TSGA13: variants seen among roughly 807,000 people sequenced by gnomAD.
TSGA13 encodes testis-specific gene 13 protein.
A neutral mutation model predicts 35.1 loss-of-function variants in TSGA13; 37 were observed. The observed-to-expected ratio is 1.05, with a 90% CI of 0.81 to 1.39. The LOEUF is 1.39. TSGA13 is among the 40% of genes most tolerant of loss of function. The probability of loss-of-function intolerance (pLI) is 0.00; values close to 1 mark genes in which losing one functional copy is unlikely to be tolerated. For missense variants in TSGA13, 338 were observed against 328.5 expected (o/e 1.03, Z -0.22); for synonymous variants, 124 against 121.2 (o/e 1.02, Z -0.15).
In TSGA13 at chr7:130,679,284, T is replaced by C; in HGVS notation, c.258A>G (p.Lys86=). 1.9e-6 allele frequency: 3 copies of C among 1,614,202 alleles called. No individual in the cohort carries two copies. Among genetic ancestry groups the C allele is most frequent in the Non-Finnish European group, 2.5e-6 (3 of 1,180,038 alleles). The part of the protein sequence containing the change: ...QNRKNTSFML[K]VTQYDQDKTL... ...TCTTATCCTGGTCATACTGTGTTAC[T>C]TTTAACATGAAGCTGGTGTTTTTCC... The change falls in exon 5 of 8, where the codon AAA becomes AAG. Residue 86 remains lysine (K), a synonymous_variant. Coordinates refer to ENST00000356588, the MANE Select transcript of TSGA13 (RefSeq NM_052933.4).
chr7:130,682,822 T>C (rs1796579040), intron 3 of TSGA13, among the ~76,000 whole-genome samples: 1 of 152,096 alleles, frequency 6.6e-6, no homozygotes, highest in Non-Finnish European at 1.5e-5. Flanking sequence ...CAAATTCCTT[T>C]AGAGAGGGTG....
chr7:130,679,116 C>T (rs1796477469), intron 5 of TSGA13, 39 bp downstream of exon 5: 2 of 1,506,918 alleles, frequency 1.3e-6, no homozygotes, highest in African/African-American at 2.8e-5. Context: ...CCTAATTCGT[C>T]AGGGTTCACA....
At chr7:130,680,616 G>T (rs1554464938) in intron 4 of TSGA13, among the ~76,000 whole-genome samples, 1 of 152,002 alleles carries the variant, frequency 6.6e-6, no homozygotes, top group African/African-American at 2.4e-5. Flanking sequence ...ATAGGAGAAA[G>T]GCAGAGGGTT....
Position 130,668,825 on chromosome 7 carries a change from T to TCGGCCCCCGGGACGCAGCCA in TSGA13, c.*169_*188dup. The TCGGCCCCCGGGACGCAGCCA allele has an allele frequency of 1.6e-6, 2 of 1,282,052 alleles. No homozygotes were observed. Among genetic ancestry groups the TCGGCCCCCGGGACGCAGCCA allele is most frequent in the Non-Finnish European group, 2.1e-6 (2 of 955,122 alleles). 79.4% of individuals were successfully genotyped at this position (1,282,052 alleles called of 1,614,324 possible). On this transcript the variant is annotated 3_prime_UTR_variant, in exon 8 of 8. Coordinates refer to ENST00000356588, the MANE Select transcript of TSGA13 (RefSeq NM_052933.4). Reference sequence around the variant, plus strand: ...CAAGGCCCGCCCTCCCCGGCCGCCCTCGGCCCCCGGGACGCAGCCACGCCC... The same window carrying TCGGCCCCCGGGACGCAGCCA: ...CAAGGCCCGCCCTCCCCGGCCGCCCTCGGCCCCCGGGACGCAGCCACGGCCCCCGGGACGCAGCCACGCCC...
chr7:130,671,965 A>G (rs1038547786), intron 6 of TSGA13, among the ~76,000 whole-genome samples, 177 bp from the exon 7 acceptor site: 9 of 151,918 alleles, frequency 5.9e-5, no homozygotes, highest in Non-Finnish European at 1.0e-4. Flanking sequence ...ATCTTGGTTC[A>G]CTGCAACCTC....
intron 5 of TSGA13, among the ~76,000 whole-genome samples, chr7:130,678,743 C>T (rs1459028797): frequency 6.6e-6 from 1 of 152,122 alleles, no homozygotes; most frequent in East Asian, 1.9e-4. Flanking sequence ...AGAGATAGAC[C>T]AAGTGCAGTG....
chr7:130,671,654 A>G lies in TSGA13; in HGVS notation c.658+7T>C. ...GTAAGCCTTTGCTTTGAAAGAGAGG[A>G]GCTTACCATCTTTCCTCATATCTCT... On this transcript the variant is annotated splice_region_variant and intron_variant, in intron 7 of 7. Transcript: ENST00000356588. 8.3e-6 allele frequency: 13 copies of G among 1,562,470 alleles called. No individual in the cohort carries two copies. The highest frequency in any genetic ancestry group is 1.1e-5 in the Non-Finnish European group (13 of 1,148,922).
chr7:130,675,211 C>T (rs1554463962), intron 5 of TSGA13, among the ~76,000 whole-genome samples: 1 of 151,754 alleles, frequency 6.6e-6, no homozygotes. Context: ...CACCTTTACT[C>T]CATAAATATG....
Position 130,668,857 on chromosome 7 carries a change from C to A in TSGA13, c.*157G>T. ...CCGGGACGCAGCCACGCCCCCTTCT[C>A]CTCTTGCGGCCCGCCGGAGACTTCG... On this transcript the variant is annotated 3_prime_UTR_variant, in exon 8 of 8. Coordinates refer to ENST00000356588, the MANE Select transcript of TSGA13 (RefSeq NM_052933.4). 1 of 1,348,384 alleles carries A rather than the reference C, an allele frequency of 7.4e-7. No individual in the cohort carries two copies. Among genetic ancestry groups the A allele is most frequent in the Admixed American group, 2.5e-5 (1 of 40,776 alleles). The allele number at this position is 1,348,384 out of a possible 1,614,324, so 83.5% of individuals were successfully genotyped here.
chr7:130,680,020 G>T (rs1181652332), intron 4 of TSGA13, among the ~76,000 whole-genome samples: 1 of 152,174 alleles, frequency 6.6e-6, no homozygotes, highest in Non-Finnish European at 1.5e-5. Context: ...AATTGGCCTT[G>T]TCTCTACAAC....
Position 130,668,793 on chromosome 7 carries a change from T to A in TSGA13, c.*221A>T. The A allele has an allele frequency of 7.6e-7, 1 of 1,320,298 alleles. No homozygotes were observed. The highest frequency in any genetic ancestry group is 1.0e-6 in the Non-Finnish European group (1 of 986,656). 81.8% of individuals were successfully genotyped at this position (1,320,298 alleles called of 1,614,324 possible). The stretch of plus-strand genomic sequence containing the variant: ...GCCGGTTGGGCCGCCGCGCCTTCAC[T>A]CGGGGCCAAGGCCCGCCCTCCCCGG... On this transcript the variant is annotated 3_prime_UTR_variant, in exon 8 of 8. Coordinates refer to ENST00000356588, the MANE Select transcript of TSGA13 (RefSeq NM_052933.4).
At chr7:130,669,978 A>G (rs6942608) in intron 7 of TSGA13, among the ~76,000 whole-genome samples, 1 of 152,134 alleles carries the variant, frequency 6.6e-6, no homozygotes, top group East Asian at 1.9e-4. Context: ...GACAGTGTAG[A>G]TAATAGGCCC....
chr7:130,675,251 A>G (rs1190621239), intron 5 of TSGA13, among the ~76,000 whole-genome samples: 1 of 151,544 alleles, frequency 6.6e-6, no homozygotes, highest in African/African-American at 2.4e-5. Context: ...GTATATATAT[A>G]TGGGTTTTTT....
At chr7:130,679,479 A>G (rs1796491167) in intron 4 of TSGA13, 112 bp from the exon 5 acceptor site, 8 of 923,696 alleles carry the variant, frequency 8.7e-6, no homozygotes, top group Non-Finnish European at 1.3e-5. Context: ...AGCTGGACAG[A>G]CTTGCTGCAA....
At chr7:130,680,517 A>G (rs1388100470) in intron 4 of TSGA13, among the ~76,000 whole-genome samples, 3 of 151,850 alleles carry the variant, frequency 2.0e-5, no homozygotes, top group Non-Finnish European at 4.4e-5. Flanking sequence ...GAAAAAAAAA[A>G]AAAAAAGTAA....
chr7:130,680,412 A>C (rs782314125), intron 4 of TSGA13, among the ~76,000 whole-genome samples: 42 of 151,864 alleles, frequency 2.8e-4, no homozygotes, highest in Non-Finnish European at 5.4e-4. Context: ...AGGCTGAGGC[A>C]GGAGAATAGC....
At chr7:130,674,981 C>T (rs1441011394) in intron 5 of TSGA13, among the ~76,000 whole-genome samples, 1 of 152,052 alleles carries the variant, frequency 6.6e-6, no homozygotes, top group Non-Finnish European at 1.5e-5. Context: ...ACTGTAAGAG[C>T]ACATGTGCCT....
At position 130,683,650 on chromosome 7, in the gene TSGA13, T is replaced by C. The variant is rs1473269819; in HGVS notation, c.46A>G (p.Thr16Ala). The change falls in exon 3 of 8, where the codon ACT becomes GCT. Residue 16 changes from threonine (T) to alanine (A), a missense_variant. Thr to Ala is a moderately conservative substitution (Grantham distance 58). Coordinates refer to ENST00000356588, the MANE Select transcript of TSGA13 (RefSeq NM_052933.4). ...CGTTTAGCTGAGCTATTTTCTGAAG[T>C]CTTTGATTTGCCATTTTGAAACCTG... ...QTKFQNGKSK[T>A]SENSSAKREK... The C allele has an allele frequency of 6.2e-7, 1 of 1,613,948 alleles. No individual in the cohort carries two copies. The highest frequency in any genetic ancestry group is 8.5e-7 in the Non-Finnish European group (1 of 1,179,856).
At position 130,668,826 on chromosome 7, in the gene TSGA13, C is replaced by A. The variant is rs1796167722; in HGVS notation, c.*188G>T. The stretch of plus-strand genomic sequence containing the variant: ...AAGGCCCGCCCTCCCCGGCCGCCCT[C>A]GGCCCCCGGGACGCAGCCACGCCCC... On this transcript the variant is annotated 3_prime_UTR_variant, in exon 8 of 8. Transcript: ENST00000356588. 2.3e-6 allele frequency: 3 copies of A among 1,280,238 alleles called. No homozygotes were observed. The highest frequency in any genetic ancestry group is 3.1e-6 in the Non-Finnish European group (3 of 953,396). 79.3% of individuals were successfully genotyped at this position (1,280,238 alleles called of 1,614,324 possible).
Sources: allele counts gnomAD v4.1 joint callset (sites outside exome capture counted in the v4.1 genomes callset), GRCh38; gene constraint gnomAD v4.1.1; transcripts MANE v1.5; gene names NCBI Gene and HGNC (gene_info 2026-07-23, HGNC 2026-07-21).